CNGA1: variants seen among roughly 807,000 people sequenced by gnomAD.
CNGA1 encodes cyclic nucleotide gated channel subunit alpha 1.
Under a neutral mutation model 69.7 loss-of-function variants are expected in CNGA1, and 53 were observed. The ratio of observed to expected loss-of-function variants is 0.76; its 90% confidence interval spans 0.61 to 0.96. The LOEUF (loss-of-function observed/expected upper bound fraction) is 0.96, where lower values mean the gene tolerates loss of function less well. Ranked by LOEUF, CNGA1 falls within the 40% of genes least tolerant of loss-of-function variation. The pLI is 0.00. For missense variants in CNGA1, 739 were observed against 811.2 expected (o/e 0.91, Z 1.08); for synonymous variants, 249 against 283.5 (o/e 0.88, Z 1.22).
chr4:47,978,641 T>C (rs1213994200), intron 3 of CNGA1, among the ~76,000 whole-genome samples: 2 of 152,158 alleles, frequency 1.3e-5, no homozygotes, highest in Non-Finnish European at 2.9e-5. Flanking sequence ...CAGGTAATGA[T>C]AATTTTCTCT....
At chr4:47,998,196 G>A (rs771485139) in intron 2 of CNGA1, among the ~76,000 whole-genome samples, 23 of 152,152 alleles carry the variant, frequency 1.5e-4, no homozygotes, top group Non-Finnish European at 2.6e-4. Flanking sequence ...TAGCTAAGGA[G>A]TCAGAAATAT....
intron 3 of CNGA1, among the ~76,000 whole-genome samples, chr4:47,981,101 A>G (rs1741686569): frequency 6.6e-6 from 1 of 152,254 alleles, no homozygotes. Flanking sequence ...GGGGAAAAAC[A>G]TACCTGTCAA....
chr4:47,950,397 T>G lies in CNGA1; in HGVS notation c.225-502A>C, dbSNP rs138295497. Among the ~76,000 whole-genome samples, 489 of 152,370 alleles carry G rather than the reference T, an allele frequency of 3.2e-3. 6 individuals carry two copies. Among genetic ancestry groups the G allele is most frequent in the African/African-American group, 0.011 (471 of 41,592 alleles). The stretch of plus-strand genomic sequence containing the variant: ...CATGATTGTGAGGCCTCCCCAGCCA[T>G]GTGGAACTGTGAGTCCAGTAAGCCT... On this transcript the variant is annotated intron_variant, in intron 5 of 10. Transcript: ENST00000514170.
At chr4:47,971,824 G>C (rs530145173) in intron 3 of CNGA1, among the ~76,000 whole-genome samples, 1 of 152,250 alleles carries the variant, frequency 6.6e-6, no homozygotes, top group Non-Finnish European at 1.5e-5. Flanking sequence ...AACCTGGGAG[G>C]TGGAGGTTGC....
intron 2 of CNGA1, among the ~76,000 whole-genome samples, chr4:47,988,415 C>T (rs973292171): frequency 6.6e-6 from 1 of 152,066 alleles, no homozygotes; most frequent in African/African-American, 2.4e-5. Context: ...GAATTAAACA[C>T]TTCTGTATTT....
chr4:47,969,320 C>T (rs1387033128), intron 3 of CNGA1, among the ~76,000 whole-genome samples: 1 of 151,760 alleles, frequency 6.6e-6, no homozygotes, highest in Admixed American at 6.6e-5. Flanking sequence ...GAGCCATGCC[C>T]GAATCACTAG....
intron 9 of CNGA1, 63 bp from the exon 10 acceptor site, chr4:47,940,932 C>A: frequency 9.3e-7 from 1 of 1,080,106 alleles, no homozygotes. Flanking sequence ...AGTAAAAGTT[C>A]TCTTTGTATA....
chr4:47,994,232 T>G (rs1742388326), intron 2 of CNGA1, among the ~76,000 whole-genome samples: 1 of 152,190 alleles, frequency 6.6e-6, no homozygotes, highest in African/African-American at 2.4e-5. Flanking sequence ...GTTTCTTTGT[T>G]GACTTTCTGT....
chr4:47,974,068 C>G (rs9997384), intron 3 of CNGA1, among the ~76,000 whole-genome samples: 7,225 of 138,154 alleles, frequency 0.052, 474 homozygotes, highest in East Asian at 0.1. Context: ...AACCTGGTCT[C>G]TAGATAGATA....
At chr4:47,954,939 GC>G (rs1170158776) in intron 3 of CNGA1, among the ~76,000 whole-genome samples, 1 of 152,138 alleles carries the variant, frequency 6.6e-6, no homozygotes. Context: ...AAACAGGGCT[GC>G]TATGTAAAGG....
intron 3 of CNGA1, among the ~76,000 whole-genome samples, chr4:47,957,166 C>T (rs901958942): frequency 2.0e-5 from 3 of 152,046 alleles, no homozygotes; most frequent in Non-Finnish European, 2.9e-5. Flanking sequence ...GAACTCCTGA[C>T]CTTAGGTGAT....
chr4:47,997,480 G>C (rs1269210937), intron 2 of CNGA1, among the ~76,000 whole-genome samples: 1 of 152,082 alleles, frequency 6.6e-6, no homozygotes, highest in African/African-American at 2.4e-5. Context: ...AAATGTCAAA[G>C]ACAACTGGAT....
intron 3 of CNGA1, among the ~76,000 whole-genome samples, chr4:47,958,630 A>C (rs1004810633): frequency 4.6e-5 from 7 of 152,104 alleles, no homozygotes; most frequent in Non-Finnish European, 2.9e-5. Flanking sequence ...TCAAAAAAAA[A>C]AAAAATAGAC....
At chr4:47,980,472 C>CTTTTTTTTT (rs5858098) in intron 3 of CNGA1, among the ~76,000 whole-genome samples, 5 of 112,384 alleles carry the variant, frequency 4.4e-5, no homozygotes, top group East Asian at 2.6e-4. Context: ...TTCTTTCTTT[C>CTTTTTTTTT]TTTTTTTTTT....
In CNGA1 at chr4:47,986,061, A is replaced by G. The variant is rs546810354; in HGVS notation, c.-122-4561T>C. Among the ~76,000 whole-genome samples, 6 of 152,318 alleles carry G rather than the reference A, an allele frequency of 3.9e-5. No individual in the cohort carries two copies. In the East Asian group the frequency reaches 1.2e-3, roughly 29 times the overall value. On this transcript the variant is annotated intron_variant, in intron 2 of 10. Coordinates refer to ENST00000514170, the MANE Select transcript of CNGA1 (RefSeq NM_001379270.1). ...CTTTGCAGCATATTGCTGAGGGCTTAACTGTACCCATTATGCTGCAATGGG... is the reference window on the plus strand; with the variant it reads ...CTTTGCAGCATATTGCTGAGGGCTTGACTGTACCCATTATGCTGCAATGGG...
intron 5 of CNGA1, 151 bp from the exon 6 acceptor site, chr4:47,950,046 GA>G (rs1739649389): frequency 5.7e-6 from 4 of 701,660 alleles, no homozygotes; most frequent in African/African-American, 1.8e-5. Flanking sequence ...AACATATTAT[GA>G]AGCATAAAGC....
At chr4:48,011,474 A>G (rs887561647) in intron 1 of CNGA1, among the ~76,000 whole-genome samples, 3 of 152,056 alleles carry the variant, frequency 2.0e-5, no homozygotes, top group African/African-American at 7.2e-5. Context: ...TTAACCATTG[A>G]GTTCCTTTTT....
chr4:47,957,005 T>C (rs6447602), intron 3 of CNGA1, among the ~76,000 whole-genome samples: 128,281 of 152,118 alleles, frequency 0.84, 54,364 homozygotes, highest in East Asian at 0.98. Context: ...ACAATCTTGG[T>C]TCACTGCAAC....
intron 9 of CNGA1, 148 bp downstream of exon 9, chr4:47,941,893 C>G: frequency 1.6e-6 from 1 of 639,478 alleles, no homozygotes; most frequent in South Asian, 1.9e-5. Flanking sequence ...GGAAAACACA[C>G]TGAGAATAAT....
Sources: allele counts gnomAD v4.1 joint callset (sites outside exome capture counted in the v4.1 genomes callset), GRCh38; gene constraint gnomAD v4.1.1; transcripts MANE v1.5; gene names NCBI Gene and HGNC (gene_info 2026-07-23, HGNC 2026-07-21).